The following DLG2 variants were observed in gnomAD, a reference collection of about 807,000 sequenced individuals.
DLG2 encodes the protein discs large MAGUK scaffold protein 2.
A neutral mutation model predicts 132.5 loss-of-function variants in DLG2; 45 were observed. That is an observed-to-expected ratio of 0.34 (90% CI 0.27 to 0.44). The LOEUF is 0.44. DLG2 is among the 20% of genes least tolerant of loss of function. The pLI is 1.00. For synonymous variants in DLG2, 424 were observed against 419.6 expected, an observed-to-expected ratio of 1.01 and a Z score of -0.13; for missense variants, 1,045 against 1,196.9, an observed-to-expected ratio of 0.87 and a Z score of 1.87.
At chr11:84,525,268 T>C (rs1404690675) in intron 7 of DLG2, among the ~76,000 whole-genome samples, 1 of 152,150 alleles carries the variant, frequency 6.6e-6, no homozygotes, top group African/African-American at 2.4e-5. Context: ...GGGTATAACA[T>C]AAATACTTCA....
chr11:84,447,298 T>C (rs2099038054), intron 7 of DLG2, among the ~76,000 whole-genome samples: 1 of 152,178 alleles, frequency 6.6e-6, no homozygotes, highest in Admixed American at 6.5e-5. Flanking sequence ...TTCTGGCACA[T>C]AGCCTGAGTG....
At chr11:84,857,935 C>T (rs548167987) in intron 6 of DLG2, among the ~76,000 whole-genome samples, 28 of 151,806 alleles carry the variant, frequency 1.8e-4, no homozygotes, top group African/African-American at 6.3e-4. Flanking sequence ...GTGTGTCATG[C>T]AGGCTGGAGT....
intron 6 of DLG2, among the ~76,000 whole-genome samples, chr11:84,626,863 T>C (rs1448269505): frequency 1.4e-5 from 2 of 146,310 alleles, no homozygotes; most frequent in East Asian, 1.9e-4. Flanking sequence ...TATTTTATTT[T>C]ATTTTATTTT....
At position 84,867,935 on chromosome 11, in the gene DLG2, G is replaced by C. The variant is rs113334401; in HGVS notation, c.357+243726C>G. ...TAAAAATACAAAAAATTAGCCAGGC[G>C]TGGTAGCCGGCGCCTGCAGTCCCAG... On this transcript the variant is annotated intron_variant, in intron 6 of 27. Coordinates refer to ENST00000376104, the MANE Select transcript of DLG2 (RefSeq NM_001142699.3). Among the ~76,000 whole-genome samples, 12 of 152,058 alleles carry C rather than the reference G, an allele frequency of 7.9e-5. No individual in the cohort carries two copies. The South Asian group carries it at 2.5e-3, about 32-fold the overall frequency.
chr11:84,017,015 T>C (rs1307741547), intron 11 of DLG2, among the ~76,000 whole-genome samples: 2 of 151,826 alleles, frequency 1.3e-5, no homozygotes, highest in African/African-American at 2.4e-5. Context: ...CAACCCAGTG[T>C]GGTATTGGGG....
intron 4 of DLG2, among the ~76,000 whole-genome samples, chr11:85,252,007 CAAAATA>C (rs2076419499): frequency 6.6e-6 from 1 of 151,916 alleles, no homozygotes; most frequent in Non-Finnish European, 1.5e-5. Flanking sequence ...TATAAGATAA[CAAAATA>C]GCAAGAGCAA....
intron 12 of DLG2, among the ~76,000 whole-genome samples, chr11:83,966,301 C>T (rs1427607298): frequency 2.0e-5 from 3 of 151,980 alleles, no homozygotes; most frequent in Non-Finnish European, 4.4e-5. Context: ...GATTTTTTCA[C>T]TTTAAAATGG....
intron 9 of DLG2, among the ~76,000 whole-genome samples, chr11:84,112,145 G>A (rs760722748): frequency 1.3e-5 from 2 of 151,370 alleles, no homozygotes; most frequent in African/African-American, 4.9e-5. Context: ...CCCCTCAGGC[G>A]CCTGCCGCCA....
chr11:84,619,002 T>C (rs1018190300), intron 6 of DLG2, among the ~76,000 whole-genome samples: 1 of 151,972 alleles, frequency 6.6e-6, no homozygotes. Flanking sequence ...TTAGTAAAGG[T>C]ATAGAAAATT....
chr11:83,906,280 C>G lies in DLG2; in HGVS notation c.1496+24048G>C, dbSNP rs1417104697. Among the ~76,000 whole-genome samples the G allele has an allele frequency of 5.5e-3, 653 of 118,744 alleles. 44 individuals are homozygous for G. Among genetic ancestry groups the G allele is most frequent in the African/African-American group, 0.016 (563 of 35,512 alleles). 77.9% of individuals were successfully genotyped at this position (118,744 alleles called of 152,430 possible). ...TCTCACACACACACACACACACACA[C>G]ACACACACACACACACACACACACA... On this transcript the variant is annotated intron_variant, in intron 15 of 27. Coordinates refer to ENST00000376104, the MANE Select transcript of DLG2 (RefSeq NM_001142699.3).
intron 6 of DLG2, among the ~76,000 whole-genome samples, chr11:84,739,644 A>C (rs2064326171): frequency 6.6e-6 from 1 of 152,208 alleles, no homozygotes; most frequent in Non-Finnish European, 1.5e-5. Context: ...TGATTGAAAC[A>C]TAAAACTACC....
chr11:85,429,820 A>G (rs1415591621), intron 3 of DLG2, among the ~76,000 whole-genome samples: 2 of 152,226 alleles, frequency 1.3e-5, no homozygotes, highest in Non-Finnish European at 2.9e-5. Context: ...GGGATCTAGA[A>G]CTAGAAATAC....
intron 7 of DLG2, among the ~76,000 whole-genome samples, chr11:84,473,740 T>C (rs889600637): frequency 2.0e-5 from 3 of 152,070 alleles, no homozygotes; most frequent in Non-Finnish European, 4.4e-5. Context: ...TTATATGTTG[T>C]AGAAATGGCA....
chr11:84,963,348 CA>C (rs1317517569), intron 6 of DLG2, among the ~76,000 whole-genome samples: 18 of 152,116 alleles, frequency 1.2e-4, no homozygotes. Context: ...AGAACAAAGA[CA>C]AACATGAAGC....
At chr11:84,562,342 AG>A (rs1167647952) in intron 6 of DLG2, among the ~76,000 whole-genome samples, 1 of 152,172 alleles carries the variant, frequency 6.6e-6, no homozygotes, top group Non-Finnish European at 1.5e-5. Flanking sequence ...TTTTTTAAAA[AG>A]AAAAAAAATT....
At position 83,794,437 on chromosome 11, in the gene DLG2, G is replaced by GT. The variant is rs200672667; in HGVS notation, c.1723-7646dup. On this transcript the variant is annotated intron_variant, in intron 17 of 27. Coordinates refer to ENST00000376104, the MANE Select transcript of DLG2 (RefSeq NM_001142699.3). The stretch of plus-strand genomic sequence containing the variant: ...ACACAGCCTCATATATTTACTATTG[G>GT]TTTTTTTTTTTTTTTTTTTTTTTTT... Among the ~76,000 whole-genome samples, 153 of 127,398 alleles carry GT rather than the reference G, an allele frequency of 1.2e-3. 2 individuals carry two copies. Among genetic ancestry groups the GT allele is most frequent in the East Asian group, 2.4e-3 (10 of 4,158 alleles). 83.6% of individuals were successfully genotyped at this position (127,398 alleles called of 152,430 possible). A position where few individuals can be genotyped will look rare whatever the true frequency, so the allele number is the denominator to read the frequency against.
At chr11:84,608,212 C>G (rs116621185) in intron 6 of DLG2, among the ~76,000 whole-genome samples, 7 of 152,300 alleles carry the variant, frequency 4.6e-5, no homozygotes, top group African/African-American at 1.7e-4. Context: ...CAGTATTAGA[C>G]ATGTGGCCCA....
In DLG2 at chr11:84,721,641, A is replaced by C. The variant is rs1045030046; in HGVS notation, c.358-186910T>G. ...AATGTGATAAGAAGGGTGTGGGGGT[A>C]GGAAGTGGGTAAAACTAGCACTCTT... On this transcript the variant is annotated intron_variant, in intron 6 of 27. Coordinates refer to ENST00000376104, the MANE Select transcript of DLG2 (RefSeq NM_001142699.3). Among the ~76,000 whole-genome samples the C allele has an allele frequency of 9.2e-5, 14 of 151,782 alleles. No individual in the cohort carries two copies. The East Asian group carries it at 2.5e-3, about 27-fold the overall frequency.
At chr11:85,236,361 G>T (rs1476340862) in intron 4 of DLG2, among the ~76,000 whole-genome samples, 2 of 151,972 alleles carry the variant, frequency 1.3e-5, no homozygotes, top group African/African-American at 2.4e-5. Flanking sequence ...CAAGATCAGG[G>T]TGTGAGCTGA....
Sources: allele counts gnomAD v4.1 joint callset (sites outside exome capture counted in the v4.1 genomes callset), GRCh38; gene constraint gnomAD v4.1.1; transcripts MANE v1.5; gene names NCBI Gene and HGNC (gene_info 2026-07-23, HGNC 2026-07-21).